The following ZC3H14 variants were observed in gnomAD, a reference collection of about 807,000 sequenced individuals.
The protein encoded by ZC3H14 is zinc finger CCCH domain-containing protein 14.
A neutral mutation model predicts 92.4 loss-of-function variants in ZC3H14; 31 were observed. The observed-to-expected ratio is 0.34, with a 90% CI of 0.25 to 0.45. The LOEUF is 0.45. ZC3H14 is among the 20% of genes least tolerant of loss of function. ZC3H14 has a pLI of 1.00. For synonymous variants in ZC3H14, 321 were observed against 300.9 expected (o/e 1.07, Z -0.69); for missense variants, 781 against 897.3 (o/e 0.87, Z 1.66).
At chr14:88,602,238 G>A (rs2084751980) in intron 11 of ZC3H14, among the ~76,000 whole-genome samples, 155 bp downstream of exon 11, 1 of 152,188 alleles carries the variant, frequency 6.6e-6, no homozygotes, top group South Asian at 2.1e-4. Context: ...GCCAAATTCA[G>A]TTTTCAAGAA....
rs1259224694 is a variant in ZC3H14 at position 88,611,782 on chromosome 14, A to G, written c.*31A>G. On this transcript the variant is annotated 3_prime_UTR_variant, in exon 17 of 17. Coordinates refer to ENST00000251038, the MANE Select transcript of ZC3H14 (RefSeq NM_024824.5). ...AGTCCTGCCTGGCAGAAGATCATGC[A>G]GTTTGGAAGTTTTCATGTACTGATG... 2 of 1,613,920 alleles carry G rather than the reference A, an allele frequency of 1.2e-6. No homozygotes were observed. Among genetic ancestry groups the G allele is most frequent in the Non-Finnish European group, 1.7e-6 (2 of 1,179,914 alleles).
At chr14:88,563,206 C>T (rs772625388) in intron 1 of ZC3H14, 37 bp downstream of exon 1, 14 of 1,593,410 alleles carry the variant, frequency 8.8e-6, no homozygotes, top group Non-Finnish European at 1.1e-5. Flanking sequence ...GAAGCCAGGT[C>T]TCGGCGAGCG....
chr14:88,600,803 A>G (rs1595039673), intron 10 of ZC3H14, among the ~76,000 whole-genome samples: 1 of 152,086 alleles, frequency 6.6e-6, no homozygotes, highest in East Asian at 1.9e-4. Context: ...TGAGACATAG[A>G]AGAACCTTTA....
intron 3 of ZC3H14, among the ~76,000 whole-genome samples, chr14:88,570,687 C>T (rs764325046): frequency 2.1e-4 from 32 of 152,248 alleles, no homozygotes; most frequent in Admixed American, 6.5e-4. Context: ...CATATTTTTG[C>T]AGAGGCTAGA....
chr14:88,609,487 A>G, intron 14 of ZC3H14, 84 bp downstream of exon 14: 1 of 1,600,454 alleles, frequency 6.2e-7, no homozygotes, highest in East Asian at 2.2e-5. Context: ...AACAAACAAA[A>G]GATGGTTTCA....
intron 10 of ZC3H14, among the ~76,000 whole-genome samples, chr14:88,600,166 T>C (rs549438068): frequency 1.3e-5 from 2 of 152,390 alleles, no homozygotes; most frequent in South Asian, 4.1e-4. Context: ...AAGTTTCTCA[T>C]CCCAGCTTTC....
At chr14:88,563,565 G>A (rs1595447281) in intron 1 of ZC3H14, 86 bp from the exon 2 acceptor site, 4 of 1,589,938 alleles carry the variant, frequency 2.5e-6, no homozygotes, top group Middle Eastern at 1.7e-4. Flanking sequence ...GCGCGCACCA[G>A]CAAAGTGGCC....
rs776671199 is a variant in ZC3H14, at chr14:88,602,818, T to C, written c.1515-10T>C. ...CCCTAATTCTATGGTATTTTTTATCTGTCTGGCAGAGATCTTGTACAACCA... is the reference window on the plus strand; with the variant it reads ...CCCTAATTCTATGGTATTTTTTATCCGTCTGGCAGAGATCTTGTACAACCA... On this transcript the variant is annotated splice_polypyrimidine_tract_variant and intron_variant, in intron 11 of 16. Coordinates refer to ENST00000251038, the MANE Select transcript of ZC3H14 (RefSeq NM_024824.5). 6.2e-7 allele frequency: 1 copy of C among 1,613,880 alleles called. No homozygotes were observed. The highest frequency in any genetic ancestry group is 2.2e-5 in the East Asian group (1 of 44,872).
At chr14:88,610,535 G>A (rs1308159052) in intron 15 of ZC3H14, among the ~76,000 whole-genome samples, 2 of 151,798 alleles carry the variant, frequency 1.3e-5, no homozygotes, top group East Asian at 3.9e-4. Context: ...AGGTGAGGTG[G>A]GTCAGGCCTG....
intron 8 of ZC3H14, among the ~76,000 whole-genome samples, chr14:88,576,780 A>G (rs2081218067): frequency 1.3e-5 from 2 of 151,964 alleles, no homozygotes; most frequent in Admixed American, 1.3e-4. Context: ...AACTGTAGCC[A>G]TCAGTTTTTT....
At chr14:88,601,284 G>A (rs543317968) in intron 10 of ZC3H14, among the ~76,000 whole-genome samples, 3 of 152,226 alleles carry the variant, frequency 2.0e-5, no homozygotes, top group South Asian at 2.1e-4. Context: ...CGTTGATGGC[G>A]TATTGATAGG....
In ZC3H14 at chr14:88,624,970, G is replaced by A. The variant is rs780919545; in HGVS notation, c.*13219G>A. 32 of 1,612,956 alleles carry A rather than the reference G, an allele frequency of 2.0e-5. No homozygotes were observed. Among genetic ancestry groups the A allele is most frequent in the Admixed American group, 5.0e-5 (3 of 59,834 alleles). On this transcript the variant is annotated 3_prime_UTR_variant, in exon 17 of 17. Transcript: ENST00000251038. ...TTCTGTGAAAAGAAAGAGGACTCAC[G>A]GCCTTTCCTTTCCCCCAGTCACGAT...
chr14:88,600,157 A>T (rs1337484625), intron 10 of ZC3H14, among the ~76,000 whole-genome samples: 1 of 152,184 alleles, frequency 6.6e-6, no homozygotes, highest in Non-Finnish European at 1.5e-5. Flanking sequence ...TCTTTTGCTA[A>T]GTTTCTCATC....
intron 9 of ZC3H14, chr14:88,594,447 G>A: frequency 8.0e-7 from 1 of 1,255,356 alleles, no homozygotes. Context: ...AGGATGTAGG[G>A]CCCTACGTAT....
chr14:88,621,043 A>T lies in ZC3H14; in HGVS notation c.*9292A>T. Reference sequence around the variant, plus strand: ...GAATTCTGGCAGTTCTTTAAGTACTAGCAATTTAGAACTTCCAACTTTTCT... The same window carrying T: ...GAATTCTGGCAGTTCTTTAAGTACTTGCAATTTAGAACTTCCAACTTTTCT... On this transcript the variant is annotated 3_prime_UTR_variant, in exon 17 of 17. Transcript: ENST00000251038. 6.6e-7 allele frequency: 1 copy of T among 1,507,230 alleles called. No individual in the cohort carries two copies. Among genetic ancestry groups the T allele is most frequent in the Non-Finnish European group, 8.9e-7 (1 of 1,128,156 alleles). The allele number at this position is 1,507,230 out of a possible 1,614,324, so 93.4% of individuals were successfully genotyped here.
At position 88,571,168 on chromosome 14, in the gene ZC3H14, A is replaced by T; in HGVS notation, c.235+44A>T. The T allele has an allele frequency of 2.0e-6, 3 of 1,508,182 alleles. No individual in the cohort carries two copies. In the South Asian group the frequency reaches 3.8e-5, roughly 19 times the overall value. 93.4% of individuals were successfully genotyped at this position (1,508,182 alleles called of 1,614,324 possible). The stretch of plus-strand genomic sequence containing the variant: ...TTTTTTAATTTCTGCTTGCTATGGC[A>T]TATGATTTGTTTCTTTCTAAAGTCA... On this transcript the variant is annotated intron_variant, in intron 4 of 16. Coordinates refer to ENST00000251038, the MANE Select transcript of ZC3H14 (RefSeq NM_024824.5).
At chr14:88,574,570 A>G (rs760222242) in intron 6 of ZC3H14, 123 bp from the exon 7 acceptor site, 57 of 1,267,396 alleles carry the variant, frequency 4.5e-5, no homozygotes, top group Non-Finnish European at 6.2e-5. Context: ...CATAAAACCA[A>G]GAAATACTCT....
intron 7 of ZC3H14, 78 bp downstream of exon 7, chr14:88,574,931 GA>G: frequency 2.5e-6 from 4 of 1,599,890 alleles, no homozygotes; most frequent in Non-Finnish European, 3.4e-6. Flanking sequence ...GAATAATCAC[GA>G]AAATAATTTT....
At chr14:88,585,260 C>A (rs2082335563) in intron 9 of ZC3H14, among the ~76,000 whole-genome samples, 1 of 152,020 alleles carries the variant, frequency 6.6e-6, no homozygotes, top group African/African-American at 2.4e-5. Flanking sequence ...TTTGCATTTG[C>A]CTGCTTTTCT....
Sources: allele counts gnomAD v4.1 joint callset (sites outside exome capture counted in the v4.1 genomes callset), GRCh38; gene constraint gnomAD v4.1.1; transcripts MANE v1.5; gene names NCBI Gene and HGNC (gene_info 2026-07-23, HGNC 2026-07-21).